DOT1L: variants seen among roughly 807,000 people sequenced by gnomAD.
DOT1L encodes DOT1 like histone lysine methyltransferase.
A neutral mutation model predicts 153.3 loss-of-function variants in DOT1L; 33 were observed. The observed-to-expected ratio is 0.22, with a 90% CI of 0.16 to 0.29. The LOEUF is 0.29. Among genes scored for constraint, DOT1L ranks in the 10% least tolerant of loss-of-function variants. The pLI, the probability that DOT1L is intolerant of heterozygous loss-of-function variation, is 1.00. For synonymous variants in DOT1L, 1,135 were observed against 965.1 expected (o/e 1.18, Z -3.26); for missense variants, 1,847 against 2,119.9 (o/e 0.87, Z 2.53).
At position 2,214,501 on chromosome 19, in the gene DOT1L, G is replaced by C; in HGVS notation, c.1828G>C (p.Asp610His). ...GGCTCGCTGCGAGGAGCTGCAGCTG[G>C]ACTGGGCCACGCTGTCGCTGGAGAA... ...LKARCEELQL[D>H]WATLSLEKLL... Residue 610 changes from aspartate (D) to histidine (H), a missense_variant, in exon 19 of 28, where the codon GAC becomes CAC. Around this residue, in one of 8 missense-constraint regions of DOT1L, gnomAD observed 156 missense variants for 235.7 expected, o/e 0.66. Coordinates refer to ENST00000398665, the MANE Select transcript of DOT1L (RefSeq NM_032482.3). 1 of 1,613,134 alleles carries C rather than the reference G, an allele frequency of 6.2e-7. No homozygotes were observed. The highest frequency in any genetic ancestry group is 8.5e-7 in the Non-Finnish European group (1 of 1,179,918).
chr19:2,230,325 C>T lies in DOT1L; in HGVS notation c.*533C>T. 9.6e-6 allele frequency: 4 copies of T among 415,924 alleles called. No homozygotes were observed. Among genetic ancestry groups the T allele is most frequent in the Non-Finnish European group, 8.4e-6 (2 of 237,062 alleles). The allele number at this position is 415,924 out of a possible 1,614,324, so 25.8% of individuals were successfully genotyped here. On this transcript the variant is annotated 3_prime_UTR_variant, in exon 28 of 28. Transcript: ENST00000398665. ...CGCCACCACATTCCTCGGAGGCCTC[C>T]CCGCGGCCTGAGCCCCTTCCTGAGC...
rs2024602233 is a variant in DOT1L at position 2,231,625 on chromosome 19, GCTGTGCCTCTGCCTGAGCCC to G, written c.*1835_*1854del. The G allele has an allele frequency of 4.7e-6, 1 of 211,120 alleles. No individual in the cohort carries two copies. Among genetic ancestry groups the G allele is most frequent in the Admixed American group, 5.9e-5 (1 of 16,934 alleles). 13.1% of individuals were successfully genotyped at this position (211,120 alleles called of 1,614,324 possible). A position where few individuals can be genotyped will look rare whatever the true frequency, so the allele number is the denominator to read the frequency against. ...ACGTTGGTGCTCTCAGCTAGAAGGT[GCTGTGCCTCTGCCTGAGCCC>G]CAAGCCCCGAGCCTGGCCTTCAGGA... On this transcript the variant is annotated 3_prime_UTR_variant, in exon 28 of 28. Transcript: ENST00000398665.
rs2144905111 is a variant in DOT1L at position 2,222,369 on chromosome 19, T to C, written c.3200T>C (p.Leu1067Pro). The C allele has an allele frequency of 6.2e-7, 1 of 1,612,030 alleles. No homozygotes were observed. Among genetic ancestry groups the C allele is most frequent in the Admixed American group, 1.7e-5 (1 of 59,960 alleles). The change falls in exon 24 of 28, where the codon CTG (leucine) becomes CCG (proline). Residue 1067 changes from leucine to proline, a missense_variant. Physicochemically the swap from Leu to Pro is moderately conservative, Grantham distance 98. This residue lies in a region of DOT1L where 934 missense variants were observed against 825.3 expected (regional missense o/e 1.13). Transcript: ENST00000398665. This position sits in a 1 kb window ranked among gnomAD's most constrained non-coding sequence, Gnocchi z 6.5. Reference sequence around the variant, plus strand: ...TCGCCCTCCAGCAAGCACAGCCCCCTGACCGCCAGCGCCCGTGGGGACTGT... The same window carrying C: ...TCGCCCTCCAGCAAGCACAGCCCCCCGACCGCCAGCGCCCGTGGGGACTGT... The part of the protein sequence containing the change: ...KQSPSSKHSP[L>P]TASARGDCVP...
At chr19:2,166,693 G>T (rs948060715) in intron 1 of DOT1L, among the ~76,000 whole-genome samples, 6 of 152,238 alleles carry the variant, frequency 3.9e-5, no homozygotes, top group Non-Finnish European at 8.8e-5. Flanking sequence ...TTACAGGGGT[G>T]AGCCACCGCA....
Position 2,226,931 on chromosome 19 carries a change from G to A in DOT1L, c.4410G>A (p.Pro1470=), listed in dbSNP as rs778682125. Residue 1470 remains proline (P), a synonymous_variant, in exon 27 of 28, where the codon CCG becomes CCA. Coordinates refer to ENST00000398665, the MANE Select transcript of DOT1L (RefSeq NM_032482.3). ...GGTCCTTCCTGGGCCCCTTCCCGCC[G>A]GGACCGCAGTTCGCGCTCGGCCCCA... is the stretch of plus-strand genomic sequence containing the variant. ...THRSFLGPFP[P]GPQFALGPMS... is the part of the protein sequence containing the mutation. 1.3e-6 allele frequency: 2 copies of A among 1,581,810 alleles called. No homozygotes were observed. The highest frequency in any genetic ancestry group is 8.5e-7 in the Non-Finnish European group (1 of 1,172,780).
At position 2,222,454 on chromosome 19, in the gene DOT1L, G is replaced by T. The variant is rs910384529; in HGVS notation, c.3285G>T (p.Gly1095=). The T allele has an allele frequency of 1.2e-6, 2 of 1,607,740 alleles. No homozygotes were observed. The highest frequency in any genetic ancestry group is 1.7e-6 in the Non-Finnish European group (2 of 1,178,678). ...GCCGGCGGAAGCGAGCATCTGCGGG[G>T]ACGCCCAGCTTGAGCGCAGGCGTGT... ...RRGRRKRASA[G]TPSLSAGVSP... is the part of the protein sequence containing the mutation. Residue 1095 remains glycine (G), a synonymous_variant, in exon 24 of 28, where the codon GGG becomes GGT. Coordinates refer to ENST00000398665, the MANE Select transcript of DOT1L (RefSeq NM_032482.3). The surrounding 1 kb of genome is among the most constrained non-coding windows in gnomAD (Gnocchi z 6.5).
rs2024557443 is a variant in DOT1L at position 2,230,569 on chromosome 19, G to T, written c.*777G>T. ...CTCGGCTGTCCATGGCTCGCAGCATGCCCTGCGATGCGGGGCAGGCCTGTC... is the reference window on the plus strand; with the variant it reads ...CTCGGCTGTCCATGGCTCGCAGCATTCCCTGCGATGCGGGGCAGGCCTGTC... On this transcript the variant is annotated 3_prime_UTR_variant, in exon 28 of 28. Transcript: ENST00000398665. 5 of 398,612 alleles carry T rather than the reference G, an allele frequency of 1.3e-5. No homozygotes were observed. The highest frequency in any genetic ancestry group is 3.6e-5 in the East Asian group (1 of 28,090). The allele number at this position is 398,612 out of a possible 1,614,324, so 24.7% of individuals were successfully genotyped here.
rs75789008 is a variant in DOT1L at position 2,190,668 on chromosome 19, G to T, written c.265-344G>T. On this transcript the variant is annotated intron_variant, in intron 4 of 27. Coordinates refer to ENST00000398665, the MANE Select transcript of DOT1L (RefSeq NM_032482.3). The surrounding 1 kb of genome is among the most constrained non-coding windows in gnomAD (Gnocchi z 4.8). Reference sequence around the variant, plus strand: ...TGGCACCTGACGGGGGTCCCTTGGTGTCAGCGCCCCACCCTGCTGCCTTGG... The same window carrying T: ...TGGCACCTGACGGGGGTCCCTTGGTTTCAGCGCCCCACCCTGCTGCCTTGG... Among the ~76,000 whole-genome samples, 6 of 152,100 alleles carry T rather than the reference G, an allele frequency of 3.9e-5. No homozygotes were observed. In the East Asian group the frequency reaches 1.2e-3, roughly 30 times the overall value.
Position 2,222,400 on chromosome 19 carries a change from G to A in DOT1L, c.3231G>A (p.Pro1077=), listed in dbSNP as rs759288809. The A allele has an allele frequency of 1.9e-5, 31 of 1,610,884 alleles. No individual in the cohort carries two copies. Among genetic ancestry groups the A allele is most frequent in the Middle Eastern group, 3.3e-4 (2 of 6,068 alleles). The change falls in exon 24 of 28, where the codon CCG becomes CCA. Residue 1077 remains proline, a synonymous_variant. Coordinates refer to ENST00000398665, the MANE Select transcript of DOT1L (RefSeq NM_032482.3). The surrounding 1 kb of genome is among the most constrained non-coding windows in gnomAD (Gnocchi z 6.5). Reference sequence around the variant, plus strand: ...CCAGCGCCCGTGGGGACTGTGTGCCGAGCCACGGGCAGGACAGTCGCAGGC... The same window carrying A: ...CCAGCGCCCGTGGGGACTGTGTGCCAAGCCACGGGCAGGACAGTCGCAGGC... ...LTASARGDCV[P]SHGQDSRRRG...
At position 2,208,870 on chromosome 19, in the gene DOT1L, G is replaced by T. The variant is rs377633911; in HGVS notation, c.964-65G>T. 1.7e-4 allele frequency: 260 copies of T among 1,555,558 alleles called. No homozygotes were observed. In the Middle Eastern group the frequency reaches 2.6e-3, roughly 15 times the overall value. On this transcript the variant is annotated intron_variant, in intron 11 of 27. Transcript: ENST00000398665. This position sits in a 1 kb window ranked among gnomAD's most constrained non-coding sequence, Gnocchi z 4.4. ...TCCAGGTTGCTGTTGTTACCTGGGT[G>T]TCCAGACAAATCCGAACAGAGATTG... is the stretch of plus-strand genomic sequence containing the variant.
chr19:2,173,604 G>A (rs1393615293), intron 1 of DOT1L, among the ~76,000 whole-genome samples: 2 of 152,174 alleles, frequency 1.3e-5, no homozygotes, highest in Admixed American at 6.5e-5. Flanking sequence ...AGGCCAGCCG[G>A]GTGGTGCCAT....
chr19:2,166,414 A>G (rs1244289223), intron 1 of DOT1L, among the ~76,000 whole-genome samples: 1 of 135,250 alleles, frequency 7.4e-6, no homozygotes, highest in Non-Finnish European at 1.6e-5. Context: ...ATTTATTTAT[A>G]TTTATTTATT....
chr19:2,218,462 C>T (rs1057239608), intron 22 of DOT1L, among the ~76,000 whole-genome samples: 1 of 151,816 alleles, frequency 6.6e-6, no homozygotes, highest in African/African-American at 2.4e-5. Flanking sequence ...GGTGCGATCT[C>T]GGCTCACTGC....
intron 25 of DOT1L, 75 bp downstream of exon 25, chr19:2,223,561 G>A: frequency 3.8e-6 from 1 of 263,852 alleles, no homozygotes; most frequent in Non-Finnish European, 7.4e-6. Flanking sequence ...TGTGTGTGTG[G>A]GTGGGTGGGT....
chr19:2,207,734 C>T lies in DOT1L; in HGVS notation c.963+54C>T. 1 of 1,451,886 alleles carries T rather than the reference C, an allele frequency of 6.9e-7. No homozygotes were observed. Among genetic ancestry groups the T allele is most frequent in the Admixed American group, 1.9e-5 (1 of 52,240 alleles). 89.9% of individuals were successfully genotyped at this position (1,451,886 alleles called of 1,614,324 possible). On this transcript the variant is annotated intron_variant, in intron 11 of 27. Transcript: ENST00000398665. The surrounding 1 kb of genome is among the most constrained non-coding windows in gnomAD (Gnocchi z 4.5). ...GGGCCGTCCTGGTCTTCCACCCCGC[C>T]CACGTCACACTGCTCTCTCCTTTCT...
chr19:2,169,703 A>AG (rs1367828972), intron 1 of DOT1L, among the ~76,000 whole-genome samples: 86 of 152,148 alleles, frequency 5.7e-4, no homozygotes, highest in Middle Eastern at 3.4e-3. Flanking sequence ...TGCTCATCAG[A>AG]GTGTATATTT....
At chr19:2,211,314 C>A in intron 15 of DOT1L, 102 bp downstream of exon 15, 1 of 1,034,288 alleles carries the variant, frequency 9.7e-7, no homozygotes, top group Non-Finnish European at 1.4e-6. Context: ...CCGTGACCTC[C>A]ATGCTGGACC....
intron 27 of DOT1L, chr19:2,228,613 C>T (rs983968402): frequency 2.5e-5 from 25 of 985,240 alleles, no homozygotes; most frequent in African/African-American, 1.0e-4. Context: ...TGGGTTCCTG[C>T]GGTGACGCCG....
At chr19:2,202,042 C>T (rs1455136599) in intron 8 of DOT1L, among the ~76,000 whole-genome samples, 46 of 152,234 alleles carry the variant, frequency 3.0e-4, no homozygotes, top group Non-Finnish European at 1.2e-4. Flanking sequence ...CCAGGTCTTT[C>T]TGGCTCACAC....
Sources: allele counts gnomAD v4.1 joint callset (sites outside exome capture counted in the v4.1 genomes callset), GRCh38; gene constraint gnomAD v4.1.1; regional missense constraint gnomAD v4.1.1; non-coding constraint Gnocchi (gnomAD v3.1); transcripts MANE v1.5; gene names NCBI Gene and HGNC (gene_info 2026-07-23, HGNC 2026-07-21).